Variants in CEP104 observed in about 807,000 individuals in gnomAD.
CEP104 encodes the protein centrosomal protein of 104 kDa.
In CEP104, 84 loss-of-function variants were observed where a neutral mutation model predicts 113.3. The ratio of observed to expected loss-of-function variants is 0.74; its 90% CI spans 0.62 to 0.89. The LOEUF (loss-of-function observed/expected upper bound fraction) is 0.89. Among genes scored for constraint, CEP104 ranks in the 40% least tolerant of loss-of-function variants. CEP104 has a pLI of 0.00. For synonymous variants in CEP104, 378 were observed against 421.7 expected, an observed-to-expected ratio of 0.90 and a Z score of 1.27; for missense variants, 1,053 against 1,156.6, an observed-to-expected ratio of 0.91 and a Z score of 1.30.
At chr1:3,832,721 G>A (rs1015931797) in intron 12 of CEP104, among the ~76,000 whole-genome samples, 2 of 152,136 alleles carry the variant, frequency 1.3e-5, no homozygotes, top group African/African-American at 4.8e-5. Context: ...GTCTTTCTCT[G>A]TCACCCAGGC....
chr1:3,843,571 CA>C (rs1644453545), intron 6 of CEP104, among the ~76,000 whole-genome samples: 1 of 151,750 alleles, frequency 6.6e-6, no homozygotes, highest in Non-Finnish European at 1.5e-5. Flanking sequence ...AGGCCGGTTT[CA>C]AACTCCTGAT....
rs146333875 is a variant in CEP104, at chr1:3,843,637, C to G, written c.566+1270G>C. Reference sequence around the variant, plus strand: ...AAAGTGGTGAGATTACAGGCGTTAGCCACCACACCCAGCCTACAATTGTTA... The same window carrying G: ...AAAGTGGTGAGATTACAGGCGTTAGGCACCACACCCAGCCTACAATTGTTA... On this transcript the variant is annotated intron_variant, in intron 6 of 21. Coordinates refer to ENST00000378230, the MANE Select transcript of CEP104 (RefSeq NM_014704.4). 3.5e-3 allele frequency among the ~76,000 whole-genome samples: 533 copies of G among 152,130 alleles called. 1 individual carries two copies. Among genetic ancestry groups the G allele is most frequent in the African/African-American group, 0.012 (507 of 41,500 alleles).
At chr1:3,824,055 A>C (rs1381294946) in intron 18 of CEP104, among the ~76,000 whole-genome samples, 3 of 152,142 alleles carry the variant, frequency 2.0e-5, no homozygotes, top group Non-Finnish European at 1.5e-5. Context: ...AGCCAGTTCA[A>C]CCTCTTTTCT....
chr1:3,833,981 T>G lies in CEP104; in HGVS notation c.1540A>C (p.Lys514Gln). ...GTTTCAAGTTTACTCAGTTTATGTT[T>G]AGGAATATATTGTGTAATGATCATT... ...LKMIITQYIPKHKLSKLETAH... is the reference protein window; with the variant it reads ...LKMIITQYIPQHKLSKLETAH... Residue 514 changes from lysine to glutamine, a missense_variant, in exon 12 of 22, where the codon AAA (lysine) becomes CAA (glutamine). Physicochemically the swap from Lys to Gln is moderately conservative, Grantham distance 53. Coordinates refer to ENST00000378230, the MANE Select transcript of CEP104 (RefSeq NM_014704.4). The G allele has an allele frequency of 6.2e-7, 1 of 1,613,766 alleles. No homozygotes were observed. The highest frequency in any genetic ancestry group is 8.5e-7 in the Non-Finnish European group (1 of 1,179,628).
chr1:3,836,642 A>G lies in CEP104; in HGVS notation c.1170T>C (p.His390=). 6.2e-7 allele frequency: 1 copy of G among 1,613,510 alleles called. No individual in the cohort carries two copies. The highest frequency in any genetic ancestry group is 2.2e-5 in the East Asian group (1 of 44,856). The change falls in exon 10 of 22, where the codon CAT becomes CAC. Residue 390 remains histidine, a synonymous_variant. Coordinates refer to ENST00000378230, the MANE Select transcript of CEP104 (RefSeq NM_014704.4). ...DERPLPAIRK[H]YGEAVVEPEM... is the part of the protein sequence containing the mutation. ...CCGGCTCCACCACTGCCTCCCCATA[A>G]TGCTTACGAATAGCTGGAAGAGGCC...
In CEP104 at chr1:3,823,655, A is replaced by T; in HGVS notation, c.2365-93T>A. ...GAGCCTGTGAGCGCCTCCCCTGCCCAGGGAGGTCTGTGCCGCCTGCACATG... is the reference window on the plus strand; with the variant it reads ...GAGCCTGTGAGCGCCTCCCCTGCCCTGGGAGGTCTGTGCCGCCTGCACATG... On this transcript the variant is annotated intron_variant, in intron 18 of 21. Transcript: ENST00000378230. The surrounding 1 kb of genome is among the most constrained non-coding windows in gnomAD (Gnocchi z 4.1). 2.7e-6 allele frequency: 4 copies of T among 1,501,668 alleles called. No individual in the cohort carries two copies. Among genetic ancestry groups the T allele is most frequent in the Non-Finnish European group, 3.7e-6 (4 of 1,090,386 alleles). The allele number at this position is 1,501,668 out of a possible 1,614,324, so 93.0% of individuals were successfully genotyped here.
intron 20 of CEP104, among the ~76,000 whole-genome samples, chr1:3,821,088 T>G (rs1395606819): frequency 1.3e-5 from 2 of 152,238 alleles, no homozygotes; most frequent in Non-Finnish European, 2.9e-5. Flanking sequence ...GCAGTGGGCA[T>G]GAGGCCCCCA....
At chr1:3,822,982 G>A (rs947624600) in intron 20 of CEP104, 192 bp downstream of exon 20, 2 of 624,306 alleles carry the variant, frequency 3.2e-6, no homozygotes, top group African/African-American at 3.6e-5. Flanking sequence ...ATGTACGGAA[G>A]GAAATCATGT....
chr1:3,815,506 C>T lies in CEP104; in HGVS notation c.2674G>A (p.Ala892Thr), dbSNP rs746706047. ...APALQPGKSS[A>T]VAASGPLGSK... The stretch of plus-strand genomic sequence containing the variant: ...CCCAAGGGGCCTGATGCGGCCACAG[C>T]TGAGCTTTTCCCTGCAGAGCAAGCA... Residue 892 changes from alanine (A) to threonine (T), a missense_variant, in exon 22 of 22, where the codon GCT becomes ACT. Physicochemically the swap from Ala to Thr is moderately conservative, Grantham distance 58 (BLOSUM62 0). Transcript: ENST00000378230. 20 of 1,601,024 alleles carry T rather than the reference C, an allele frequency of 1.2e-5. No individual in the cohort carries two copies. Among genetic ancestry groups the T allele is most frequent in the Non-Finnish European group, 1.6e-5 (19 of 1,173,814 alleles).
At position 3,834,930 on chromosome 1, in the gene CEP104, T is replaced by A; in HGVS notation, c.1480A>T (p.Thr494Ser). The A allele has an allele frequency of 6.3e-7, 1 of 1,586,328 alleles. No homozygotes were observed. Among genetic ancestry groups the A allele is most frequent in the Non-Finnish European group, 8.6e-7 (1 of 1,165,336 alleles). ...CGCCAGCTGAGGGCACTCACGGAGGTCACAATGTCCTTTATGGCTCTTCTA... is the reference window on the plus strand; with the variant it reads ...CGCCAGCTGAGGGCACTCACGGAGGACACAATGTCCTTTATGGCTCTTCTA... The part of the protein sequence containing the change: ...LVRRAIKDIV[T>S]SVFQASLKLL... Residue 494 changes from threonine to serine, a missense_variant, in exon 11 of 22, where the codon ACC becomes TCC. Physicochemically the swap from Thr to Ser is moderately conservative, Grantham distance 58. Transcript: ENST00000378230.
intron 12 of CEP104, among the ~76,000 whole-genome samples, chr1:3,832,816 G>A: frequency 6.6e-6 from 1 of 152,018 alleles, no homozygotes; most frequent in Non-Finnish European, 1.5e-5. Context: ...AAGTAGCTGG[G>A]ACTACAGGGG....
chr1:3,823,861 G>A lies in CEP104; in HGVS notation c.2365-299C>T, dbSNP rs758034106. Among the ~76,000 whole-genome samples, 6 of 152,224 alleles carry A rather than the reference G, an allele frequency of 3.9e-5. No individual in the cohort carries two copies. The highest frequency in any genetic ancestry group is 7.2e-5 in the African/African-American group (3 of 41,444). On this transcript the variant is annotated intron_variant, in intron 18 of 21. Coordinates refer to ENST00000378230, the MANE Select transcript of CEP104 (RefSeq NM_014704.4). The surrounding 1 kb of genome is among the most constrained non-coding windows in gnomAD (Gnocchi z 4.1). ...TGTGAAGCTTGGATGAGGGCGCAGA[G>A]TGGCTCAGTGGTTACAGTGTGGCCC...
At chr1:3,834,622 T>C (rs1346870575) in intron 11 of CEP104, among the ~76,000 whole-genome samples, 1 of 152,230 alleles carries the variant, frequency 6.6e-6, no homozygotes, top group African/African-American at 2.4e-5. Flanking sequence ...AAACTGAAGA[T>C]GTGGTAGCAT....
Position 3,823,940 on chromosome 1 carries a change from C to T in CEP104, c.2365-378G>A, listed in dbSNP as rs1018647189. On this transcript the variant is annotated intron_variant, in intron 18 of 21. Transcript: ENST00000378230. This position sits in a 1 kb window ranked among gnomAD's most constrained non-coding sequence, Gnocchi z 4.1. Reference sequence around the variant, plus strand: ...TCTAAGAATGCACACAGAAACAGGACCACAGAAAAGAATTTTAAGAGATTC... The same window carrying T: ...TCTAAGAATGCACACAGAAACAGGATCACAGAAAAGAATTTTAAGAGATTC... 1.6e-4 allele frequency among the ~76,000 whole-genome samples: 24 copies of T among 152,292 alleles called. No homozygotes were observed. The highest frequency in any genetic ancestry group is 5.8e-4 in the African/African-American group (24 of 41,558).
rs1643928454 is a variant in CEP104 at position 3,819,379 on chromosome 1, C to T, written c.2572-3009G>A. ...TCTTTTGGGTGATGGAAAAGTTCCA[C>T]ACGTGTGCAGATGGTTGCAGAACCC... On this transcript the variant is annotated intron_variant, in intron 20 of 21. Transcript: ENST00000378230. This position sits in a 1 kb window ranked among gnomAD's most constrained non-coding sequence, Gnocchi z 4.6. 6.6e-6 allele frequency among the ~76,000 whole-genome samples: 1 copy of T among 152,146 alleles called. No homozygotes were observed. The highest frequency in any genetic ancestry group is 2.4e-5 in the African/African-American group (1 of 41,432).
chr1:3,848,687 T>C lies in CEP104; in HGVS notation c.208A>G (p.Ser70Gly), dbSNP rs1322779011. Reference sequence around the variant, plus strand: ...TCACTAATGTAGAACTCAATTTTACTTGAAATCATATACTGGTGAGCAAGT... The same window carrying C: ...TCACTAATGTAGAACTCAATTTTACCTGAAATCATATACTGGTGAGCAAGT... Reference protein sequence around the residue: ...QLLAHQYMISSKIEFYISESL... With the variant: ...QLLAHQYMISGKIEFYISESL... Residue 70 changes from serine (S) to glycine (G), a missense_variant, in exon 3 of 22, where the codon AGT becomes GGT. By Grantham distance (56) the Ser-to-Gly change is moderately conservative (BLOSUM62 0). Coordinates refer to ENST00000378230, the MANE Select transcript of CEP104 (RefSeq NM_014704.4). 9 of 1,613,902 alleles carry C rather than the reference T, an allele frequency of 5.6e-6. No individual in the cohort carries two copies. Among genetic ancestry groups the C allele is most frequent in the African/African-American group, 1.3e-5 (1 of 74,900 alleles).
At position 3,816,975 on chromosome 1, in the gene CEP104, C is replaced by T. The variant is rs543581630; in HGVS notation, c.2572-605G>A. Among the ~76,000 whole-genome samples, 11 of 152,366 alleles carry T rather than the reference C, an allele frequency of 7.2e-5. No homozygotes were observed. In the South Asian group the frequency reaches 2.1e-3, roughly 29 times the overall value. The stretch of plus-strand genomic sequence containing the variant: ...CTCCTGTTGGATATAAACGCGGGAT[C>T]GCTGGTTCCCTGAGTCTTCTGGACA... On this transcript the variant is annotated intron_variant, in intron 20 of 21. Transcript: ENST00000378230.
rs1644411005 is a variant in CEP104 at position 3,841,461 on chromosome 1, C to T, written c.567-1685G>A. Reference sequence around the variant, plus strand: ...CACATTAACTATTTTTAGTGTAACACATATGACACTTTAAGTCACGTTGCC... The same window carrying T: ...CACATTAACTATTTTTAGTGTAACATATATGACACTTTAAGTCACGTTGCC... On this transcript the variant is annotated intron_variant, in intron 6 of 21. Transcript: ENST00000378230. Among the ~76,000 whole-genome samples the T allele has an allele frequency of 2.6e-5, 4 of 152,218 alleles. No homozygotes were observed. The South Asian group carries it at 8.3e-4, about 32-fold the overall frequency.
intron 6 of CEP104, chr1:3,843,208 G>T: frequency 8.4e-6 from 6 of 714,222 alleles, no homozygotes. Flanking sequence ...ACAGCAGGCA[G>T]GTGGCAAGGG....
Sources: allele counts gnomAD v4.1 joint callset (sites outside exome capture counted in the v4.1 genomes callset), GRCh38; gene constraint gnomAD v4.1.1; non-coding constraint Gnocchi (gnomAD v3.1); transcripts MANE v1.5; gene names NCBI Gene and HGNC (gene_info 2026-07-23, HGNC 2026-07-21).